Variants in FGF14 observed in about 807,000 individuals in gnomAD.
FGF14 encodes the protein fibroblast growth factor 14.
Under a neutral mutation model 25.5 loss-of-function variants are expected in FGF14, and 5 were observed. The observed-to-expected ratio is 0.20, with a 90% CI of 0.10 to 0.41. The LOEUF (loss-of-function observed/expected upper bound fraction) is 0.41, where lower values mean the gene tolerates loss of function less well. Among genes scored for constraint, FGF14 ranks in the 10% least tolerant of loss-of-function variants. The pLI, the probability that FGF14 is intolerant of heterozygous loss-of-function variation, is 1.00. For synonymous variants in FGF14, 138 were observed against 118.3 expected (o/e 1.17, Z -1.08); for missense variants, 222 against 320.1 (o/e 0.69, Z 2.34).
intron 1 of FGF14, among the ~76,000 whole-genome samples, chr13:102,241,051 T>A (rs2051572468): frequency 6.6e-6 from 1 of 152,078 alleles, no homozygotes; most frequent in African/African-American, 2.4e-5. Context: ...TGAATAAAGA[T>A]GTTTGGCTTT....
chr13:102,315,206 A>T (rs1436678216), intron 1 of FGF14, among the ~76,000 whole-genome samples: 1 of 152,112 alleles, frequency 6.6e-6, no homozygotes. Context: ...AGCAAGGAAA[A>T]AATATTATAA....
chr13:102,126,429 T>A (rs1357948371), intron 1 of FGF14, among the ~76,000 whole-genome samples: 1 of 152,202 alleles, frequency 6.6e-6, no homozygotes, highest in Non-Finnish European at 1.5e-5. Flanking sequence ...AATATTCTAT[T>A]GTATGTAGAT....
chr13:102,284,497 C>T (rs1162761125), intron 1 of FGF14, among the ~76,000 whole-genome samples: 1 of 151,928 alleles, frequency 6.6e-6, no homozygotes, highest in African/African-American at 2.4e-5. Context: ...GCAATGACCT[C>T]TCACATTAAA....
chr13:101,801,893 A>AC, intron 3 of FGF14: 1 of 402,102 alleles, frequency 2.5e-6, no homozygotes, highest in South Asian at 2.2e-5. Context: ...TAAAGGTGAC[A>AC]CCAAGAAACC....
chr13:101,978,142 T>C (rs2038039885), intron 1 of FGF14, among the ~76,000 whole-genome samples: 1 of 152,194 alleles, frequency 6.6e-6, no homozygotes, highest in Non-Finnish European at 1.5e-5. Flanking sequence ...TGGGGTGCTT[T>C]TTTGTGGTTT....
At chr13:102,217,315 T>C (rs1322134454) in intron 1 of FGF14, among the ~76,000 whole-genome samples, 1 of 152,186 alleles carries the variant, frequency 6.6e-6, no homozygotes, top group Non-Finnish European at 1.5e-5. Flanking sequence ...ATAAACTACA[T>C]GCACACACAG....
At chr13:101,917,628 C>CG (rs1415579046), upstream of FGF14, among the ~76,000 whole-genome samples, 1 of 151,956 alleles carries the variant, frequency 6.6e-6, no homozygotes, top group African/African-American at 2.4e-5. Context: ...AACGCCCCCC[C>CG]GTCGCCACCC....
chr13:102,055,888 G>A lies in FGF14; in HGVS notation c.209-180592C>T, dbSNP rs369920096. 6.6e-5 allele frequency among the ~76,000 whole-genome samples: 10 copies of A among 152,222 alleles called. No homozygotes were observed. In the East Asian group the frequency reaches 1.7e-3, roughly 26 times the overall value. ...GGAGGCCTCACAATCATGGCAGAAA[G>A]TGAAAGGCACATCATACCTGACAGC... On this transcript the variant is annotated intron_variant, in intron 1 of 4. Transcript: ENST00000376131.
At chr13:102,317,944 A>G (rs1391946781) in intron 1 of FGF14, among the ~76,000 whole-genome samples, 1 of 152,140 alleles carries the variant, frequency 6.6e-6, no homozygotes, top group East Asian at 1.9e-4. Flanking sequence ...CCCCTTCCAC[A>G]ATCTGGCCTA....
chr13:102,169,344 G>A (rs1261661072), intron 1 of FGF14, among the ~76,000 whole-genome samples: 1 of 151,956 alleles, frequency 6.6e-6, no homozygotes, highest in Non-Finnish European at 1.5e-5. Flanking sequence ...ATCCCCCGTG[G>A]TTCCCTAGAC....
At chr13:102,296,542 T>G (rs2054722892) in intron 1 of FGF14, among the ~76,000 whole-genome samples, 2 of 152,114 alleles carry the variant, frequency 1.3e-5, no homozygotes, top group African/African-American at 2.4e-5. Context: ...TAAGAAAAAT[T>G]AAAATGTCAT....
At chr13:102,242,549 T>C (rs969452596) in intron 1 of FGF14, among the ~76,000 whole-genome samples, 1 of 152,032 alleles carries the variant, frequency 6.6e-6, no homozygotes, top group African/African-American at 2.4e-5. Flanking sequence ...TGTTATTTTA[T>C]AAGGAATCCA....
At chr13:101,814,960 TAAAAGACTCA>T (rs991312728) in intron 3 of FGF14, among the ~76,000 whole-genome samples, 27 of 150,472 alleles carry the variant, frequency 1.8e-4, no homozygotes, top group Non-Finnish European at 8.9e-5. Context: ...ACAATAACAA[TAAAAGACTCA>T]AAGAGACTTA....
intron 3 of FGF14, among the ~76,000 whole-genome samples, chr13:101,748,747 TAAAAAAAAA>T (rs55785965): frequency 5.7e-5 from 4 of 70,718 alleles, no homozygotes; most frequent in South Asian, 6.3e-4. Context: ...TGGAGGTTTC[TAAAAAAAAA>T]AAAAAAAAAA....
intron 1 of FGF14, among the ~76,000 whole-genome samples, chr13:102,319,059 C>T (rs767069742): frequency 1.4e-4 from 22 of 152,148 alleles, no homozygotes; most frequent in Non-Finnish European, 7.4e-5. Context: ...TGCTGAAAGA[C>T]GAAGGCACTC....
chr13:102,111,420 A>G (rs987588064), intron 1 of FGF14, among the ~76,000 whole-genome samples: 1 of 152,218 alleles, frequency 6.6e-6, no homozygotes, highest in Non-Finnish European at 1.5e-5. Flanking sequence ...CTACATATCA[A>G]GATTGTCTCA....
chr13:101,824,293 C>A (rs1267515358), intron 3 of FGF14, among the ~76,000 whole-genome samples: 1 of 152,106 alleles, frequency 6.6e-6, no homozygotes, highest in African/African-American at 2.4e-5. Context: ...TGGTTTTCAA[C>A]CGTTTGAATA....
At chr13:101,834,755 G>A (rs1216762387) in intron 3 of FGF14, among the ~76,000 whole-genome samples, 2 of 151,988 alleles carry the variant, frequency 1.3e-5, no homozygotes, top group African/African-American at 2.4e-5. Flanking sequence ...AGATGTCAAT[G>A]GTGATAAACA....
chr13:101,892,712 T>C (rs2029936208), intron 1 of FGF14, among the ~76,000 whole-genome samples: 1 of 152,202 alleles, frequency 6.6e-6, no homozygotes, highest in Non-Finnish European at 1.5e-5. Flanking sequence ...GGGGTTCAGT[T>C]GCCAATTAGC....
Sources: allele counts gnomAD v4.1 joint callset (sites outside exome capture counted in the v4.1 genomes callset), GRCh38; gene constraint gnomAD v4.1.1; transcripts MANE v1.5; gene names NCBI Gene and HGNC (gene_info 2026-07-23, HGNC 2026-07-21).